Variants in ZNF236 observed in about 807,000 individuals in gnomAD.
ZNF236 encodes the protein regulated by glucose.
ZNF236 carries 50 observed loss-of-function variants against 191.2 expected under a neutral mutation model. That is an observed-to-expected ratio of 0.26 (90% CI 0.21 to 0.33). The LOEUF is 0.33. ZNF236 is among the 10% of genes least tolerant of loss of function. The pLI, the probability that ZNF236 is intolerant of heterozygous loss-of-function variation, is 1.00. For missense variants in ZNF236, 1,754 were observed against 2,374.5 expected, an observed-to-expected ratio of 0.74 and a Z score of 5.43; for synonymous variants, 907 against 928.8, an observed-to-expected ratio of 0.98 and a Z score of 0.43.
At chr18:76,957,680 A>T (rs1286486764) in intron 28 of ZNF236, among the ~76,000 whole-genome samples, 1 of 152,106 alleles carries the variant, frequency 6.6e-6, no homozygotes, top group Non-Finnish European at 1.5e-5. Flanking sequence ...TCCCTCAAGG[A>T]GGCCCCAGTG....
At chr18:76,861,784 GA>G (rs1287143799) in intron 3 of ZNF236, among the ~76,000 whole-genome samples, 2 of 152,204 alleles carry the variant, frequency 1.3e-5, no homozygotes, top group Admixed American at 6.5e-5. Flanking sequence ...AACAGGCACA[GA>G]AGGACTCTGA....
In ZNF236 at chr18:76,972,462, C is replaced by A. The variant is rs765805893; in HGVS notation, c.*4123C>A. Among the ~76,000 whole-genome samples, 2 of 152,030 alleles carry A rather than the reference C, an allele frequency of 1.3e-5. No homozygotes were observed. The highest frequency in any genetic ancestry group is 2.9e-5 in the Non-Finnish European group (2 of 67,988). On this transcript the variant is annotated 3_prime_UTR_variant, in exon 31 of 31. Transcript: ENST00000320610. ...TCACCCACACACTCACCCTCACACT[C>A]ACCCACACACCCTCACACTCACCCT...
At chr18:76,828,011 A>G (rs929391199) in intron 1 of ZNF236, among the ~76,000 whole-genome samples, 3 of 152,096 alleles carry the variant, frequency 2.0e-5, no homozygotes, top group East Asian at 3.9e-4. Context: ...TACTTAGTTC[A>G]TTTCCAGAGA....
intron 3 of ZNF236, among the ~76,000 whole-genome samples, chr18:76,857,621 G>A (rs777496651): frequency 1.1e-4 from 16 of 152,166 alleles, no homozygotes; most frequent in Non-Finnish European, 1.9e-4. Context: ...AAAAGTCAAA[G>A]TGACACAGGC....
chr18:76,886,439 C>G (rs111350715), intron 9 of ZNF236: 3,341 of 158,156 alleles, frequency 0.021, 116 homozygotes, highest in African/African-American at 0.075. Flanking sequence ...GAGCTAACTC[C>G]TGACATTACC....
chr18:76,826,571 A>T (rs1261742926), intron 1 of ZNF236, among the ~76,000 whole-genome samples: 1 of 150,448 alleles, frequency 6.6e-6, no homozygotes, highest in East Asian at 2.1e-4. Context: ...TGGGCAGATC[A>T]CTTGAGGCCA....
Position 76,910,718 on chromosome 18 carries a change from A to G in ZNF236, c.2712A>G (p.Leu904=). The G allele has an allele frequency of 3.7e-6, 6 of 1,614,230 alleles. No homozygotes were observed. The highest frequency in any genetic ancestry group is 4.2e-6 in the Non-Finnish European group (5 of 1,180,044). Residue 904 remains leucine, a synonymous_variant, in exon 16 of 31, where the codon CTA becomes CTG. Transcript: ENST00000320610. Reference sequence around the variant, plus strand: ...CTCAGTTTCCACCTGTCCAACAGCTACAGGATTCCAGCACACTTGAGTCTC... The same window carrying G: ...CTCAGTTTCCACCTGTCCAACAGCTGCAGGATTCCAGCACACTTGAGTCTC... The part of the protein sequence containing the change: ...QQPQFPPVQQ[L]QDSSTLESQA...
intron 22 of ZNF236, among the ~76,000 whole-genome samples, chr18:76,926,148 G>A (rs780859456): frequency 1.3e-5 from 2 of 152,188 alleles, no homozygotes; most frequent in Non-Finnish European, 2.9e-5. Context: ...TTTCTGATAC[G>A]TTTAAAGTGG....
rs374501049 is a variant in ZNF236 at position 76,956,013 on chromosome 18, C to T, written c.4943C>T (p.Pro1648Leu). ...QVAGVSGNLA[P>L]GNQPEKEGRA... ...GCTGGCGTCTCTGGGAACCTGGCCC[C>T]GGGCAACCAGCCAGAGAAGGAGGGC... The change falls in exon 28 of 31, where the codon CCG (proline) becomes CTG (leucine). Residue 1648 changes from proline to leucine, a missense_variant. This residue lies in a region of ZNF236 where 606 missense variants were observed against 761.5 expected (regional missense o/e 0.80). Transcript: ENST00000320610. The T allele has an allele frequency of 1.4e-4, 223 of 1,610,296 alleles. No homozygotes were observed. The highest frequency in any genetic ancestry group is 1.5e-4 in the Non-Finnish European group (176 of 1,179,524).
At position 76,895,159 on chromosome 18, in the gene ZNF236, G is replaced by A. The variant is rs1281289046; in HGVS notation, c.1564G>A (p.Ala522Thr). 12 of 1,607,850 alleles carry A rather than the reference G, an allele frequency of 7.5e-6. No individual in the cohort carries two copies. The highest frequency in any genetic ancestry group is 1.6e-4 in the Middle Eastern group (1 of 6,084). Residue 522 changes from alanine (A) to threonine (T), a missense_variant, in exon 10 of 31, where the codon GCC becomes ACC. Physicochemically the swap from Ala to Thr is moderately conservative, Grantham distance 58 (BLOSUM62 0). This residue lies in a region of ZNF236 where 641 missense variants were observed against 869.6 expected (regional missense o/e 0.74). Transcript: ENST00000320610. ...GTGCCCGCAGTGCTTCCGCGCCTTC[G>A]CCGTGAAGAGCACGCTGACAGCGCA... is the stretch of plus-strand genomic sequence containing the variant. ...FKCPQCFRAF[A>T]VKSTLTAHIK...
chr18:76,836,811 T>C (rs1333074086), intron 1 of ZNF236, among the ~76,000 whole-genome samples: 1 of 151,998 alleles, frequency 6.6e-6, no homozygotes, highest in Non-Finnish European at 1.5e-5. Context: ...TCTCCTGACC[T>C]CTTGATCCAT....
intron 9 of ZNF236, among the ~76,000 whole-genome samples, chr18:76,889,140 G>A (rs1977152550): frequency 6.6e-6 from 1 of 152,180 alleles, no homozygotes; most frequent in Admixed American, 6.5e-5. Flanking sequence ...CCTGGCTTTT[G>A]CTGCTGCTTT....
Position 76,875,553 on chromosome 18 carries a change from G to C in ZNF236, c.729G>C (p.Gln243His). Residue 243 changes from glutamine (Q) to histidine (H), a missense_variant, in exon 6 of 31, where the codon CAG (glutamine) becomes CAC (histidine). Coordinates refer to ENST00000320610, the MANE Select transcript of ZNF236 (RefSeq NM_001306089.2). The surrounding 1 kb of genome is among the most constrained non-coding windows in gnomAD (Gnocchi z 4.3). The part of the protein sequence containing the change: ...GKAFNQKGAL[Q>H]THMIKHTGEK... ...CTTTTAACCAGAAGGGGGCACTGCA[G>C]ACCCACATGATCAAGCACACAGGTG... is the stretch of plus-strand genomic sequence containing the variant. 1 of 1,600,280 alleles carries C rather than the reference G, an allele frequency of 6.2e-7. No individual in the cohort carries two copies. Among genetic ancestry groups the C allele is most frequent in the South Asian group, 1.1e-5 (1 of 88,692 alleles).
At chr18:76,823,770 G>T (rs538857317) in intron 1 of ZNF236, among the ~76,000 whole-genome samples, 63 of 152,316 alleles carry the variant, frequency 4.1e-4, no homozygotes, top group African/African-American at 1.4e-3. Context: ...ACTTTCCTGC[G>T]CAGGGGGATC....
intron 1 of ZNF236, among the ~76,000 whole-genome samples, chr18:76,826,482 C>T (rs190140140): frequency 3.3e-5 from 5 of 151,696 alleles, no homozygotes; most frequent in African/African-American, 1.2e-4. Context: ...AACTGGATCT[C>T]CATTTGTGTC....
intron 26 of ZNF236, among the ~76,000 whole-genome samples, chr18:76,946,744 T>C (rs1038495840): frequency 1.3e-5 from 2 of 152,242 alleles, no homozygotes; most frequent in Non-Finnish European, 2.9e-5. Flanking sequence ...CTCTCAGATC[T>C]GCTCTCATAG....
rs1976837580 is a variant in ZNF236 at position 76,880,045 on chromosome 18, T to TC, written c.985-68_985-67insC. The TC allele has an allele frequency of 6.8e-7, 1 of 1,470,746 alleles. No homozygotes were observed. Among genetic ancestry groups the TC allele is most frequent in the Admixed American group, 2.1e-5 (1 of 46,544 alleles). The allele number at this position is 1,470,746 out of a possible 1,614,324, so 91.1% of individuals were successfully genotyped here. On this transcript the variant is annotated intron_variant, in intron 7 of 30. Coordinates refer to ENST00000320610, the MANE Select transcript of ZNF236 (RefSeq NM_001306089.2). This position sits in a 1 kb window ranked among gnomAD's most constrained non-coding sequence, Gnocchi z 5.0. ...AAGGAGGGTATTGCCTGTTTTTTTT[T>TC]TTTTAATTTTCCTTTTTAAATTGAA...
chr18:76,896,135 T>G lies in ZNF236; in HGVS notation c.1690+850T>G, dbSNP rs921129122. On this transcript the variant is annotated intron_variant, in intron 10 of 30. Transcript: ENST00000320610. ...CACTATACCACACGCAAGTACAGCT[T>G]GCAGTGCTGCACCCACACAGGCATT... Among the ~76,000 whole-genome samples the G allele has an allele frequency of 1.1e-4, 16 of 145,966 alleles. No homozygotes were observed. The East Asian group carries it at 2.1e-3, about 20-fold the overall frequency.
chr18:76,872,794 T>C (rs756332411), intron 5 of ZNF236, among the ~76,000 whole-genome samples: 7 of 152,232 alleles, frequency 4.6e-5, no homozygotes, highest in Non-Finnish European at 8.8e-5. Context: ...CCATGCTTTG[T>C]CCTTTTGTTT....
Sources: allele counts gnomAD v4.1 joint callset (sites outside exome capture counted in the v4.1 genomes callset), GRCh38; gene constraint gnomAD v4.1.1; regional missense constraint gnomAD v4.1.1; non-coding constraint Gnocchi (gnomAD v3.1); transcripts MANE v1.5; gene names NCBI Gene and HGNC (gene_info 2026-07-23, HGNC 2026-07-21).